DNAH6: variants seen among roughly 807,000 people sequenced by gnomAD.
DNAH6 encodes the protein axonemal beta dynein heavy chain 6.
In DNAH6, 340 loss-of-function variants were observed where a neutral mutation model predicts 491.4. That is an observed-to-expected ratio of 0.69 (90% CI 0.63 to 0.76). The LOEUF is 0.76. DNAH6 is among the 30% of genes least tolerant of loss of function. The pLI is 0.00. For missense variants in DNAH6, 4,443 were observed against 4,972.2 expected, an observed-to-expected ratio of 0.89 and a Z score of 3.20; for synonymous variants, 1,603 against 1,686.1, an observed-to-expected ratio of 0.95 and a Z score of 1.21.
At chr2:84,472,148 A>G in the DNAH6 span, among the ~76,000 whole-genome samples, 5 of 152,038 alleles carry the variant, frequency 3.3e-5, no homozygotes, top group Middle Eastern at 3.4e-3. Context: ...AAAAAATGTA[A>G]TGTTAATAAA....
Position 84,681,425 on chromosome 2 carries a change from A to C in DNAH6, c.6813A>C (p.Glu2271Asp). 2 of 1,551,692 alleles carry C rather than the reference A, an allele frequency of 1.3e-6. No individual in the cohort carries two copies. The highest frequency in any genetic ancestry group is 1.7e-6 in the Non-Finnish European group (2 of 1,146,934). ...AVKQTASSIV[E>D]ASVEIYNKMS... The stretch of plus-strand genomic sequence containing the variant: ...AGCAAACTGCATCAAGCATTGTAGA[A>C]GCCTCAGTTGAGATTTATAACAAAA... Residue 2271 changes from glutamate to aspartate, a missense_variant, in exon 42 of 77, where the codon GAA becomes GAC. Physicochemically the swap from Glu to Asp is conservative, Grantham distance 45. Coordinates refer to ENST00000389394, the MANE Select transcript of DNAH6 (RefSeq NM_001370.2).
chr2:84,553,173 G>A (rs895659854), intron 10 of DNAH6, 139 bp downstream of exon 10: 1 of 629,214 alleles, frequency 1.6e-6, no homozygotes. Context: ...GCATTGTTTT[G>A]TCACAGCATT....
Position 84,808,447 on chromosome 2 carries a change from C to A in DNAH6, c.11644C>A (p.Leu3882Ile), listed in dbSNP as rs925132694. The part of the protein sequence containing the change: ...KLEMEGASES[L>I]FVKDLQGRLN... Reference sequence around the variant, plus strand: ...GGAAATGGAGGGTGCTTCTGAGAGCCTTTTTGTCAAGGATCTTCAAGGACG... The same window carrying A: ...GGAAATGGAGGGTGCTTCTGAGAGCATTTTTGTCAAGGATCTTCAAGGACG... Residue 3882 changes from leucine (L) to isoleucine (I), a missense_variant, in exon 72 of 77, where the codon CTT becomes ATT. Transcript: ENST00000389394. 9.7e-6 allele frequency: 15 copies of A among 1,545,418 alleles called. No individual in the cohort carries two copies. The highest frequency in any genetic ancestry group is 2.0e-5 in the Admixed American group (1 of 49,228).
At position 84,528,798 on chromosome 2, in the gene DNAH6, C is replaced by T. The variant is rs952808101; in HGVS notation, c.400-106C>T. 22 of 1,113,174 alleles carry T rather than the reference C, an allele frequency of 2.0e-5. No individual in the cohort carries two copies. In the African/African-American group the frequency reaches 3.5e-4, roughly 18 times the overall value. The allele number at this position is 1,113,174 out of a possible 1,614,324, so 69.0% of individuals were successfully genotyped here. On this transcript the variant is annotated intron_variant, in intron 3 of 76. Transcript: ENST00000389394. ...AAAATGCTTGCCTTTGAGCCCTAGA[C>T]ATCTCATGCAATATGGCAATTAGTC...
chr2:84,652,728 TAA>T (rs1226267303), intron 33 of DNAH6, among the ~76,000 whole-genome samples: 5 of 152,056 alleles, frequency 3.3e-5, no homozygotes, highest in Non-Finnish European at 5.9e-5. Flanking sequence ...TAATGTGAGG[TAA>T]AGATTTAGCT....
In DNAH6 at chr2:84,544,365, A is replaced by G; in HGVS notation, c.795A>G (p.Arg265=). ...DRWEQEYLYH[R]ELTKIPIFSL... ...GGGAACAGGAATATCTGTATCACAG[A>G]GAACTCACTAAGATTCCCATATTTT... The change falls in exon 5 of 77, where the codon AGA becomes AGG. Residue 265 remains arginine, a synonymous_variant. Coordinates refer to ENST00000389394, the MANE Select transcript of DNAH6 (RefSeq NM_001370.2). 1 of 1,546,152 alleles carries G rather than the reference A, an allele frequency of 6.5e-7. No individual in the cohort carries two copies. The highest frequency in any genetic ancestry group is 8.8e-7 in the Non-Finnish European group (1 of 1,142,118).
intron 4 of DNAH6, among the ~76,000 whole-genome samples, chr2:84,539,380 G>C (rs900714771): frequency 2.6e-4 from 39 of 152,184 alleles, no homozygotes; most frequent in African/African-American, 9.4e-4. Flanking sequence ...TGATTTAGTG[G>C]ATGATGGTTT....
chr2:84,741,495 C>T (rs57320318), intron 62 of DNAH6, among the ~76,000 whole-genome samples: 3,916 of 152,216 alleles, frequency 0.026, 137 homozygotes, highest in African/African-American at 0.085. Flanking sequence ...TGGAGCTCAG[C>T]CCAGCATTAA....
At chr2:84,538,028 G>A (rs1355830455) in intron 4 of DNAH6, among the ~76,000 whole-genome samples, 2 of 152,076 alleles carry the variant, frequency 1.3e-5, no homozygotes, top group Non-Finnish European at 1.5e-5. Flanking sequence ...ACTCTTTAAG[G>A]TAGGTAGGAT....
At chr2:84,762,322 T>C (rs948308940) in intron 63 of DNAH6, among the ~76,000 whole-genome samples, 1 of 152,206 alleles carries the variant, frequency 6.6e-6, no homozygotes, top group Non-Finnish European at 1.5e-5. Context: ...GGAAGATCTC[T>C]GTTTTGGTTT....
intron 76 of DNAH6, among the ~76,000 whole-genome samples, chr2:84,818,484 C>CAAAAAA (rs59242387): frequency 9.4e-5 from 6 of 63,840 alleles, no homozygotes; most frequent in East Asian, 7.2e-4. Context: ...GACCCTATCT[C>CAAAAAA]AAAAAAAAAA....
chr2:84,688,673 C>T lies in DNAH6; in HGVS notation c.7292+80C>T, dbSNP rs944838237. 5 of 1,176,602 alleles carry T rather than the reference C, an allele frequency of 4.2e-6. No homozygotes were observed. The African/African-American group carries it at 6.5e-5, about 15-fold the overall frequency. The allele number at this position is 1,176,602 out of a possible 1,614,324, so 72.9% of individuals were successfully genotyped here. ...AGGGTAAAAAAATAAGTTGTATAAA[C>T]TCTTCAAACAGATTGCTAGATGGTC... On this transcript the variant is annotated intron_variant, in intron 45 of 76. Transcript: ENST00000389394.
In DNAH6 at chr2:84,577,868, C is replaced by T. The variant is rs1161455121; in HGVS notation, c.2076+460C>T. Among the ~76,000 whole-genome samples, 4 of 152,260 alleles carry T rather than the reference C, an allele frequency of 2.6e-5. No individual in the cohort carries two copies. The East Asian group carries it at 7.7e-4, about 29-fold the overall frequency. On this transcript the variant is annotated intron_variant, in intron 13 of 76. Coordinates refer to ENST00000389394, the MANE Select transcript of DNAH6 (RefSeq NM_001370.2). ...GTTTCAGAACCAATACAATAATTTC[C>T]TTTGGAGCCAGAGTATACTTGTGTC...
intron 4 of DNAH6, among the ~76,000 whole-genome samples, chr2:84,541,441 C>T (rs890231870): frequency 7.2e-5 from 11 of 152,234 alleles, no homozygotes; most frequent in Non-Finnish European, 1.5e-4. Context: ...GAAACAAAAC[C>T]GTTTTTCTGG....
At chr2:84,676,071 A>G (rs1376844661) in intron 40 of DNAH6, among the ~76,000 whole-genome samples, 2 of 152,200 alleles carry the variant, frequency 1.3e-5, no homozygotes, top group East Asian at 3.8e-4. Flanking sequence ...AGCCCAGGCT[A>G]TTTGTGGATT....
Position 84,573,606 on chromosome 2 carries a change from CTTACTAATTAT to C in DNAH6, c.1924+22_1924+32del. ...GAACCTGGTAACTTGTCCATTTGTACTTACTAATTATTTTTATAGGGATACTGAGATTTGTT... is the reference window on the plus strand; with the variant it reads ...GAACCTGGTAACTTGTCCATTTGTACTTTTATAGGGATACTGAGATTTGTT... On this transcript the variant is annotated intron_variant, in intron 12 of 76. Transcript: ENST00000389394. 1 of 1,534,062 alleles carries C rather than the reference CTTACTAATTAT, an allele frequency of 6.5e-7. No homozygotes were observed. Among genetic ancestry groups the C allele is most frequent in the South Asian group, 1.3e-5 (1 of 77,674 alleles).
chr2:84,719,414 T>C (rs1242973670), intron 59 of DNAH6, among the ~76,000 whole-genome samples: 1 of 152,208 alleles, frequency 6.6e-6, no homozygotes, highest in Non-Finnish European at 1.5e-5. Flanking sequence ...AGGCTTATTA[T>C]GAAAAATAGC....
At chr2:84,777,620 G>T in intron 64 of DNAH6, 1 of 803,152 alleles carries the variant, frequency 1.2e-6, no homozygotes, top group Non-Finnish European at 2.3e-6. Flanking sequence ...AGTCTTCAGG[G>T]AGACATCAGC....
Position 84,662,645 on chromosome 2 carries a change from C to CT in DNAH6, c.6084+3477dup, listed in dbSNP as rs560638333. 3.2e-4 allele frequency among the ~76,000 whole-genome samples: 49 copies of CT among 152,324 alleles called. No individual in the cohort carries two copies. In the East Asian group the frequency reaches 7.9e-3, roughly 25 times the overall value. On this transcript the variant is annotated intron_variant, in intron 37 of 76. Transcript: ENST00000389394. ...GGAGCCCACCACAGCTCAAGGAGGC[C>CT]TACCTGCCTCTGTAGACTCCACCTC...
Sources: gnomAD v4.1 joint callset for allele counts (sites outside exome capture counted in the v4.1 genomes callset) on GRCh38, gnomAD v4.1.1 for gene constraint, MANE v1.5 for transcripts, NCBI Gene and HGNC (gene_info 2026-07-23, HGNC 2026-07-21) for gene names.